AFF3: variants seen among roughly 807,000 people sequenced by gnomAD.
AFF3 encodes AF4/FMR2 family member 3.
Under a neutral mutation model 129.7 loss-of-function variants are expected in AFF3, and 32 were observed. The observed-to-expected ratio is 0.25, with a 90% confidence interval of 0.19 to 0.33. AFF3 has a LOEUF of 0.33. AFF3 is among the 10% of genes least tolerant of loss of function. AFF3 has a pLI of 1.00. For missense variants in AFF3, 1,373 were observed against 1,592.0 expected (o/e 0.86, Z 2.34); for synonymous variants, 644 against 635.4 (o/e 1.01, Z -0.20).
At chr2:99,882,826 T>C (rs1389824772) in intron 7 of AFF3, among the ~76,000 whole-genome samples, 1 of 152,192 alleles carries the variant, frequency 6.6e-6, no homozygotes, top group Non-Finnish European at 1.5e-5. Context: ...GCCCTAGCAA[T>C]TTCCCAGTAA....
chr2:99,820,504 T>C (rs1687573904), intron 8 of AFF3, among the ~76,000 whole-genome samples: 1 of 151,974 alleles, frequency 6.6e-6, no homozygotes, highest in Admixed American at 6.6e-5. Flanking sequence ...GCCTAGGACA[T>C]TACCGTACAC....
intron 7 of AFF3, among the ~76,000 whole-genome samples, chr2:99,883,401 T>C (rs1051892584): frequency 6.6e-6 from 1 of 152,230 alleles, no homozygotes; most frequent in African/African-American, 2.4e-5. Context: ...CCCCATGCTA[T>C]ATGACTGACA....
intron 13 of AFF3, among the ~76,000 whole-genome samples, chr2:99,648,934 C>CTCTCTCTCTCTCTCTA: frequency 8.4e-6 from 1 of 119,410 alleles, no homozygotes; most frequent in South Asian, 3.2e-4. Context: ...CTCTCTCTCT[C>CTCTCTCTCTCTCTCTA]TCTCCAATCT....
chr2:99,950,740 CAG>C lies in AFF3; in HGVS notation c.873+55890_873+55891del, dbSNP rs375478441. ...AAAACCTACTATACATAATTACAAT[CAG>C]ACTCATATCAATATGTGAATTTTAA... On this transcript the variant is annotated intron_variant, in intron 7 of 24. Coordinates refer to ENST00000672756, the MANE Select transcript of AFF3 (RefSeq NM_001386135.1). Among the ~76,000 whole-genome samples the C allele has an allele frequency of 2.2e-3, 329 of 152,276 alleles. 1 individual carries two copies. Among genetic ancestry groups the C allele is most frequent in the African/African-American group, 7.4e-3 (306 of 41,554 alleles).
At chr2:99,700,398 C>T (rs1173266779) in intron 11 of AFF3, among the ~76,000 whole-genome samples, 4 of 152,208 alleles carry the variant, frequency 2.6e-5, no homozygotes, top group African/African-American at 7.2e-5. Flanking sequence ...GGATTACAGG[C>T]GTGAGCCACC....
At chr2:99,628,645 T>C (rs2309728) in intron 13 of AFF3, among the ~76,000 whole-genome samples, 73,116 of 150,416 alleles carry the variant, frequency 0.49, 17,953 homozygotes, top group East Asian at 0.66. Context: ...CAACTGCCAC[T>C]TCCTGGGTTC....
chr2:99,652,702 G>A (rs1410440968), intron 12 of AFF3, among the ~76,000 whole-genome samples: 2 of 152,122 alleles, frequency 1.3e-5, no homozygotes, highest in Non-Finnish European at 2.9e-5. Context: ...CTCCGGCTTA[G>A]TTTCCAAACC....
At chr2:99,906,008 G>C (rs1053303729) in intron 7 of AFF3, among the ~76,000 whole-genome samples, 4 of 152,060 alleles carry the variant, frequency 2.6e-5, no homozygotes, top group Admixed American at 2.6e-4. Flanking sequence ...CTAATGCATG[G>C]CTGGAAACAT....
At chr2:99,663,771 A>C (rs1052362323) in intron 12 of AFF3, among the ~76,000 whole-genome samples, 1 of 152,248 alleles carries the variant, frequency 6.6e-6, no homozygotes, top group African/African-American at 2.4e-5. Flanking sequence ...AGGCATGTAC[A>C]TAGCCATTCA....
intron 7 of AFF3, among the ~76,000 whole-genome samples, chr2:99,894,191 T>C (rs1189835012): frequency 6.6e-6 from 1 of 150,950 alleles, no homozygotes; most frequent in African/African-American, 2.4e-5. Context: ...CACATTGATA[T>C]GGTGCCTGGA....
intron 8 of AFF3, among the ~76,000 whole-genome samples, chr2:99,812,010 A>C (rs948181581): frequency 6.6e-6 from 1 of 152,234 alleles, no homozygotes. Context: ...GCATTGTTTC[A>C]ATAGAGAATC....
At chr2:100,052,103 A>G (rs1451060655) in intron 4 of AFF3, among the ~76,000 whole-genome samples, 1 of 152,170 alleles carries the variant, frequency 6.6e-6, no homozygotes, top group African/African-American at 2.4e-5. Flanking sequence ...TGCTGTATGA[A>G]GTCTTCATTT....
Position 100,139,579 on chromosome 2 carries a change from T to C in AFF3, c.-228+2905A>G, listed in dbSNP as rs115114944. On this transcript the variant is annotated intron_variant, in intron 1 of 24. Transcript: ENST00000672756. ...TACAAAGAGGAATATCTGTGCAAGATGCTTTTTAATAGGTTTGTATTTGTA... is the reference window on the plus strand; with the variant it reads ...TACAAAGAGGAATATCTGTGCAAGACGCTTTTTAATAGGTTTGTATTTGTA... 1.2e-3 allele frequency among the ~76,000 whole-genome samples: 177 copies of C among 152,354 alleles called. 1 individual carries two copies. The highest frequency in any genetic ancestry group is 2.3e-3 in the Non-Finnish European group (154 of 68,036).
At chr2:99,872,615 A>AAAATG (rs1318165281) in intron 7 of AFF3, among the ~76,000 whole-genome samples, 1 of 150,840 alleles carries the variant, frequency 6.6e-6, no homozygotes, top group Non-Finnish European at 1.5e-5. Flanking sequence ...AAAATAAAAT[A>AAAATG]AAATAAAATA....
At chr2:99,983,970 G>C (rs1264934469) in intron 7 of AFF3, among the ~76,000 whole-genome samples, 2 of 151,482 alleles carry the variant, frequency 1.3e-5, no homozygotes, top group Admixed American at 1.3e-4. Flanking sequence ...AGAAAGAAAA[G>C]CTATTTTACA....
intron 8 of AFF3, among the ~76,000 whole-genome samples, chr2:99,760,242 C>T (rs186194302): frequency 6.6e-6 from 1 of 152,178 alleles, no homozygotes; most frequent in Admixed American, 6.6e-5. Flanking sequence ...AAGTATCATG[C>T]AAATGTAGCC....
chr2:99,593,255 G>T lies in AFF3; in HGVS notation c.2406C>A (p.Pro802=). The T allele has an allele frequency of 6.2e-7, 1 of 1,612,080 alleles. No individual in the cohort carries two copies. The highest frequency in any genetic ancestry group is 8.5e-7 in the Non-Finnish European group (1 of 1,178,562). ...PATKDSESAP[P]SHTSDTPAEK... ...CTGCAGGTGTGTCCGAGGTGTGGCT[G>T]GGCGGTGCGCTCTCAGAGTCCTTGG... is the stretch of plus-strand genomic sequence containing the variant. The change falls in exon 15 of 25, where the codon CCC becomes CCA. Residue 802 remains proline, a synonymous_variant. Transcript: ENST00000672756.
chr2:99,814,910 C>A (rs907265120), intron 8 of AFF3, among the ~76,000 whole-genome samples: 1 of 149,776 alleles, frequency 6.7e-6, no homozygotes, highest in East Asian at 2.0e-4. Context: ...AGTGCAGTGG[C>A]GTGATCTTGG....
chr2:100,037,477 TTTTATATATTA>T (rs1335651714), intron 4 of AFF3, among the ~76,000 whole-genome samples: 2 of 103,612 alleles, frequency 1.9e-5, no homozygotes, highest in African/African-American at 3.8e-5. Context: ...TATATTTATA[TTTTATATATTA>T]TTTATATATA....
Sources: allele counts gnomAD v4.1 joint callset (sites outside exome capture counted in the v4.1 genomes callset), GRCh38; gene constraint gnomAD v4.1.1; transcripts MANE v1.5; gene names NCBI Gene and HGNC (gene_info 2026-07-23, HGNC 2026-07-21).